Variants in RANBP2 observed in about 807,000 individuals in gnomAD.
RANBP2 encodes RAN binding protein 2, also known as E3 SUMO-protein ligase RanBP2.
In RANBP2, 57 loss-of-function variants were observed where a neutral mutation model predicts 303.6. That is an observed-to-expected ratio of 0.19 (90% CI 0.15 to 0.23). RANBP2 has a LOEUF of 0.23. Among genes scored for constraint, RANBP2 ranks in the 10% least tolerant of loss-of-function variants. The pLI is 1.00. For missense variants in RANBP2, 3,138 were observed against 3,780.8 expected, an observed-to-expected ratio of 0.83 and a Z score of 4.46; for synonymous variants, 1,167 against 1,301.5, an observed-to-expected ratio of 0.90 and a Z score of 2.23.
At chr2:109,135,928 T>C in the RANBP2 span, among the ~76,000 whole-genome samples, 23 of 152,162 alleles carry the variant, frequency 1.5e-4, no homozygotes, top group African/African-American at 4.6e-4. Context: ...GGGAGAATAA[T>C]CCTGCTCAGT....
At chr2:109,567,854 C>A in the RANBP2 span, 11 of 1,611,870 alleles carry the variant, frequency 6.8e-6, no homozygotes, top group South Asian at 1.1e-5. Flanking sequence ...TGTCATCATC[C>A]GTTGGGAACT....
chr2:109,229,629 G>A, the RANBP2 span, among the ~76,000 whole-genome samples: 1 of 152,124 alleles, frequency 6.6e-6, no homozygotes, highest in African/African-American at 2.4e-5. Context: ...GGAATTGGCA[G>A]CCCCTCCAGG....
the RANBP2 span, among the ~76,000 whole-genome samples, chr2:109,328,865 T>A: frequency 2.0e-5 from 3 of 152,274 alleles, no homozygotes; most frequent in South Asian, 6.2e-4. Flanking sequence ...GTCAAATATA[T>A]CCCTGGACTC....
the RANBP2 span, among the ~76,000 whole-genome samples, chr2:108,819,675 G>T: frequency 1.3e-5 from 2 of 152,178 alleles, no homozygotes; most frequent in African/African-American, 4.8e-5. Context: ...CTCTAACTGG[G>T]CTGATTCATG....
the RANBP2 span, among the ~76,000 whole-genome samples, chr2:109,259,572 C>T: frequency 2.0e-5 from 3 of 152,318 alleles, no homozygotes; most frequent in East Asian, 5.8e-4. Flanking sequence ...TTATTTTCTT[C>T]CACAATGCCC....
the RANBP2 span, among the ~76,000 whole-genome samples, chr2:109,133,223 G>A: frequency 6.6e-6 from 1 of 152,210 alleles, no homozygotes; most frequent in Non-Finnish European, 1.5e-5. Context: ...AGAAAGCTTA[G>A]GCAGTGCCTT....
the RANBP2 span, among the ~76,000 whole-genome samples, chr2:109,288,318 G>GT: frequency 2.0e-5 from 3 of 152,214 alleles, no homozygotes; most frequent in Admixed American, 2.0e-4. Flanking sequence ...CAGGCATGGA[G>GT]TCCGGGGAGT....
the RANBP2 span, among the ~76,000 whole-genome samples, chr2:109,082,053 C>T: frequency 1.4e-4 from 22 of 152,324 alleles, 1 homozygote; most frequent in Admixed American, 1.0e-3. Context: ...GAGCCCACCT[C>T]GGCTGCAGGA....
chr2:108,979,467 T>A, the RANBP2 span, among the ~76,000 whole-genome samples: 1 of 147,112 alleles, frequency 6.8e-6, no homozygotes, highest in Admixed American at 6.8e-5. Context: ...TCTCTCTCTC[T>A]CACACACACA....
the RANBP2 span, chr2:109,347,683 C>T: frequency 3.7e-6 from 6 of 1,613,374 alleles, no homozygotes; most frequent in Non-Finnish European, 5.1e-6. Context: ...GAATCCCTGC[C>T]TGCTTCCCTA....
At chr2:109,726,453 A>C in the RANBP2 span, among the ~76,000 whole-genome samples, 2 of 151,998 alleles carry the variant, frequency 1.3e-5, no homozygotes, top group African/African-American at 4.8e-5. Flanking sequence ...ACAAACAAAC[A>C]AAACAAAACT....
chr2:108,816,032 C>T, the RANBP2 span: 2 of 1,613,646 alleles, frequency 1.2e-6, no homozygotes, highest in South Asian at 2.2e-5. Context: ...CATGAAGAAT[C>T]TGGAATGGAT....
chr2:109,086,821 T>G, the RANBP2 span, among the ~76,000 whole-genome samples: 1 of 152,134 alleles, frequency 6.6e-6, no homozygotes, highest in African/African-American at 2.4e-5. Flanking sequence ...AGGAGTCCTT[T>G]GTGTGGCTGA....
At chr2:109,028,797 G>C in the RANBP2 span, among the ~76,000 whole-genome samples, 1 of 152,114 alleles carries the variant, frequency 6.6e-6, no homozygotes, top group Non-Finnish European at 1.5e-5. Context: ...AGAGGTCATC[G>C]GGTCTAAGCC....
At chr2:109,578,340 A>G in the RANBP2 span, among the ~76,000 whole-genome samples, 1 of 152,234 alleles carries the variant, frequency 6.6e-6, no homozygotes, top group Admixed American at 6.5e-5. Flanking sequence ...GGACTGAAAA[A>G]CTACACCAAA....
Position 108,736,127 on chromosome 2 carries a change from T to G in RANBP2, c.660T>G (p.Cys220Trp), listed in dbSNP as rs759176675. Residue 220 changes from cysteine to tryptophan, a missense_variant, in exon 6 of 29, where the codon TGT (cysteine) becomes TGG (tryptophan). This residue lies in a region of RANBP2 where 306 missense variants were observed against 381.9 expected (regional missense o/e 0.80). Transcript: ENST00000283195. ...TLKEYLESLQ[C>W]LESDKSDWRA... ...AGGAATATCTGGAGTCTTTACAGTG[T>G]TTGGAGTCTGATAAAAGTGACTGGC... is the stretch of plus-strand genomic sequence containing the variant. The G allele has an allele frequency of 7.4e-6, 12 of 1,611,914 alleles. No individual in the cohort carries two copies. Among genetic ancestry groups the G allele is most frequent in the Non-Finnish European group, 1.0e-5 (12 of 1,179,816 alleles).
the RANBP2 span, among the ~76,000 whole-genome samples, chr2:108,796,555 A>G: frequency 6.6e-6 from 1 of 152,200 alleles, no homozygotes; most frequent in Non-Finnish European, 1.5e-5. Context: ...TCTGTTCATA[A>G]TAACCGAAAT....
At chr2:109,411,283 T>C in the RANBP2 span, among the ~76,000 whole-genome samples, 1 of 152,364 alleles carries the variant, frequency 6.6e-6, no homozygotes, top group African/African-American at 2.4e-5. Context: ...TCTGTGCCTT[T>C]ACTCAGGAGT....
chr2:109,391,915 T>G, the RANBP2 span, among the ~76,000 whole-genome samples: 1 of 152,114 alleles, frequency 6.6e-6, no homozygotes, highest in South Asian at 2.1e-4. Flanking sequence ...CCTCTCAGGC[T>G]CAAGCGATCC....
Sources: allele counts gnomAD v4.1 joint callset (sites outside exome capture counted in the v4.1 genomes callset), GRCh38; gene constraint gnomAD v4.1.1; regional missense constraint gnomAD v4.1.1; transcripts MANE v1.5; gene names NCBI Gene and HGNC (gene_info 2026-07-23, HGNC 2026-07-21).